The following PNKD variants were observed in gnomAD, a reference collection of about 807,000 sequenced individuals.
PNKD encodes probable thioesterase PNKD.
PNKD carries 36 observed loss-of-function variants against 45.3 expected under a neutral mutation model. That is an observed-to-expected ratio of 0.80 (90% CI 0.61 to 1.05). The LOEUF is 1.05. PNKD is among the 50% of genes least tolerant of loss of function. The pLI, the probability that PNKD is intolerant of heterozygous loss-of-function variation, is 0.00. For missense variants in PNKD, 511 were observed against 506.6 expected, an observed-to-expected ratio of 1.01 and a Z score of -0.08; for synonymous variants, 197 against 210.1, an observed-to-expected ratio of 0.94 and a Z score of 0.54.
intron 2 of PNKD, chr2:218,279,658 C>T (rs1246822773): frequency 2.0e-6 from 1 of 488,910 alleles, no homozygotes; most frequent in Non-Finnish European, 3.7e-6. Context: ...TCTGCACGCT[C>T]TATGCAGCTG....
chr2:218,281,107 T>TG (rs1691895820), intron 2 of PNKD: 4 of 145,812 alleles, frequency 2.7e-5, no homozygotes, highest in African/African-American at 1.1e-4. Flanking sequence ...CCGGCCTCTT[T>TG]TTTTGTTTTG....
chr2:218,314,007 C>T (rs1317202416), intron 2 of PNKD, among the ~76,000 whole-genome samples: 5 of 149,238 alleles, frequency 3.4e-5, no homozygotes, highest in Non-Finnish European at 5.9e-5. Flanking sequence ...CCACAACCTC[C>T]GCCTCCCAGG....
At chr2:218,313,107 C>T (rs1693665374) in intron 2 of PNKD, among the ~76,000 whole-genome samples, 1 of 126,386 alleles carries the variant, frequency 7.9e-6, no homozygotes, top group African/African-American at 2.5e-5. Flanking sequence ...AATCTTTATA[C>T]AATTTTTTTT....
intron 2 of PNKD, among the ~76,000 whole-genome samples, chr2:218,337,508 G>T (rs1014897771): frequency 5.9e-5 from 9 of 152,204 alleles, no homozygotes; most frequent in Non-Finnish European, 1.3e-4. Flanking sequence ...GCATAAATAG[G>T]TGGATAACAC....
intron 2 of PNKD, among the ~76,000 whole-genome samples, chr2:218,322,103 G>T (rs1432357599): frequency 6.6e-6 from 1 of 151,454 alleles, no homozygotes; most frequent in African/African-American, 2.4e-5. Flanking sequence ...TGTATTTTTA[G>T]TAAAGACGTG....
chr2:218,276,815 T>G (rs1308468404), intron 2 of PNKD, among the ~76,000 whole-genome samples: 1 of 152,028 alleles, frequency 6.6e-6, no homozygotes, highest in African/African-American at 2.4e-5. Context: ...AGGCCGCCCA[T>G]CTCCACACAG....
At chr2:218,336,779 C>A (rs1208564306) in intron 2 of PNKD, among the ~76,000 whole-genome samples, 2 of 144,080 alleles carry the variant, frequency 1.4e-5, no homozygotes, top group East Asian at 4.1e-4. Flanking sequence ...CCACACCTGG[C>A]CTTCAATTCT....
chr2:218,319,116 G>A (rs188545821), intron 2 of PNKD, among the ~76,000 whole-genome samples: 58 of 151,114 alleles, frequency 3.8e-4, no homozygotes, highest in Middle Eastern at 6.8e-3. Context: ...CACCATACCC[G>A]GCTAACTTTT....
In PNKD at chr2:218,271,437, C is replaced by T; in HGVS notation, c.124C>T (p.Gln42Ter). 6.2e-7 allele frequency: 1 copy of T among 1,614,044 alleles called. No homozygotes were observed. Among genetic ancestry groups the T allele is most frequent in the Non-Finnish European group, 8.5e-7 (1 of 1,179,888 alleles). The change falls in exon 2 of 10, where the codon CAA becomes TAA. Residue 42 changes from glutamine (Q) to a stop codon, truncating the protein, a stop_gained. Coordinates refer to ENST00000273077, the MANE Select transcript of PNKD (RefSeq NM_015488.5). LOFTEE classifies it high-confidence loss of function. Reference protein sequence around the residue: ...KASHNRTRALQSHSSPEGKEE... With the variant: ...KASHNRTRAL The stretch of plus-strand genomic sequence containing the variant: ...TTCTCATAACAGGACCCGGGCCCTG[C>T]AAAGCCACAGCTCCCCAGAGGGCAA...
intron 2 of PNKD, chr2:218,275,231 A>C (rs1691075209): frequency 4.9e-6 from 2 of 405,966 alleles, no homozygotes; most frequent in Non-Finnish European, 8.7e-6. Flanking sequence ...GGGAGAAGAC[A>C]CATCTTCAGC....
At chr2:218,343,907 C>T (rs1694754268) in intron 8 of PNKD, among the ~76,000 whole-genome samples, 1 of 152,260 alleles carries the variant, frequency 6.6e-6, no homozygotes, top group African/African-American at 2.4e-5. Flanking sequence ...ATAGCCTTTG[C>T]TTATCTGGGG....
intron 2 of PNKD, among the ~76,000 whole-genome samples, chr2:218,320,648 G>T (rs940660608): frequency 6.6e-6 from 1 of 152,226 alleles, no homozygotes; most frequent in African/African-American, 2.4e-5. Flanking sequence ...ATCCTGCTGG[G>T]AGGGTTCAAG....
At chr2:218,272,729 G>T in intron 2 of PNKD, 1 of 1,614,160 alleles carries the variant, frequency 6.2e-7, no homozygotes, top group Non-Finnish European at 8.5e-7. Context: ...AGAGTGCCCC[G>T]TCCCCTGATG....
intron 2 of PNKD, among the ~76,000 whole-genome samples, chr2:218,282,406 T>G (rs1232402514): frequency 6.6e-6 from 1 of 152,184 alleles, no homozygotes. Flanking sequence ...GGCCTCTCAC[T>G]GTGCAGCTCC....
At chr2:218,335,952 C>T (rs950381559) in intron 2 of PNKD, among the ~76,000 whole-genome samples, 6 of 151,866 alleles carry the variant, frequency 4.0e-5, no homozygotes, top group African/African-American at 9.7e-5. Context: ...CGTGGTGGCT[C>T]ATGTCTGTAA....
At chr2:218,324,804 A>G (rs1392043166) in intron 2 of PNKD, among the ~76,000 whole-genome samples, 2 of 151,634 alleles carry the variant, frequency 1.3e-5, no homozygotes, top group African/African-American at 4.8e-5. Flanking sequence ...GCACGGTGGT[A>G]AGCGCCTGTA....
chr2:218,306,859 G>A (rs1420594891), intron 2 of PNKD, among the ~76,000 whole-genome samples: 1 of 152,192 alleles, frequency 6.6e-6, no homozygotes, highest in Non-Finnish European at 1.5e-5. Context: ...GGATTGGTTT[G>A]TTTGGTCATC....
chr2:218,280,815 T>TC (rs1422130191), intron 2 of PNKD: 1 of 147,954 alleles, frequency 6.8e-6, no homozygotes, highest in East Asian at 1.9e-4. Context: ...CTTTTTTTTT[T>TC]TTTTTTTTTT....
intron 2 of PNKD, chr2:218,281,917 C>A: frequency 6.4e-7 from 1 of 1,562,864 alleles, no homozygotes; most frequent in Non-Finnish European, 8.7e-7. Context: ...CACCCACCTT[C>A]CATCTGCCCT....
Sources: allele counts gnomAD v4.1 joint callset (sites outside exome capture counted in the v4.1 genomes callset), GRCh38; gene constraint gnomAD v4.1.1; transcripts MANE v1.5; gene names NCBI Gene and HGNC (gene_info 2026-07-23, HGNC 2026-07-21).